NEXMIF: variants seen among roughly 807,000 people sequenced by gnomAD.
The protein encoded by NEXMIF is XLMR protein related to neurite extension.
Under a neutral mutation model 62.1 loss-of-function variants are expected in NEXMIF, and 8 were observed. The ratio of observed to expected loss-of-function variants is 0.13; its 90% CI spans 0.08 to 0.23. The LOEUF (loss-of-function observed/expected upper bound fraction) is 0.23, where lower values mean the gene tolerates loss of function less well. Among genes scored for constraint, NEXMIF ranks in the 10% least tolerant of loss-of-function variants. The pLI, the probability that NEXMIF is intolerant of heterozygous loss-of-function variation, is 1.00. For missense variants in NEXMIF, 976 were observed against 1,113.3 expected (o/e 0.88, Z 1.75); for synonymous variants, 404 against 416.6 (o/e 0.97, Z 0.37).
rs2080102044 is a variant in NEXMIF, at chrX:74,741,218, C to G, written c.3339G>C (p.Lys1113Asn). The G allele has an allele frequency of 1.2e-5, 15 of 1,211,526 alleles. No homozygotes were observed. The highest frequency in any genetic ancestry group is 1.7e-5 in the Non-Finnish European group (15 of 895,462). ...GCCGTGAAAGGGTACTGCAGTCCCA[C>G]TTGATTTTTTCCACACTGTCCAATG... ...PGPLDSVEKIKWDCSTLSRQV... is the reference protein window; with the variant it reads ...PGPLDSVEKINWDCSTLSRQV... Residue 1113 changes from lysine (K) to asparagine (N), a missense_variant, in exon 3 of 4, where the codon AAG becomes AAC. Coordinates refer to ENST00000055682, the MANE Select transcript of NEXMIF (RefSeq NM_001008537.3).
chrX:74,878,170 G>T (rs1009782117), intron 1 of NEXMIF, among the ~76,000 whole-genome samples: 1 of 111,469 alleles, frequency 9.0e-6, no homozygotes, highest in East Asian at 2.8e-4. Context: ...GGTTTTTGGT[G>T]TGGATGTCCT....
At chrX:74,764,254 A>G (rs1427776457) in intron 1 of NEXMIF, among the ~76,000 whole-genome samples, 1 of 111,776 alleles carries the variant, frequency 8.9e-6, no homozygotes, top group East Asian at 2.8e-4. Context: ...GGTTCTGTTT[A>G]TATGCTGGAT....
chrX:74,826,093 C>T (rs777191982), intron 1 of NEXMIF, among the ~76,000 whole-genome samples: 4 of 112,470 alleles, frequency 3.6e-5, no homozygotes, highest in Non-Finnish European at 7.5e-5. Flanking sequence ...GGAATTGCCA[C>T]ACTGTTTTTT....
intron 1 of NEXMIF, among the ~76,000 whole-genome samples, chrX:74,851,163 G>A (rs2080512050): frequency 9.1e-6 from 1 of 110,395 alleles, no homozygotes; most frequent in South Asian, 3.8e-4. Flanking sequence ...AAATCACCCA[G>A]TCAGTCAAAT....
intron 1 of NEXMIF, among the ~76,000 whole-genome samples, chrX:74,824,757 T>C (rs1332578678): frequency 9.1e-6 from 1 of 109,527 alleles, no homozygotes; most frequent in Non-Finnish European, 1.9e-5. Context: ...CACGCCATTC[T>C]CCTGCCTCAG....
At chrX:74,745,386 A>G (rs2080123354) in intron 2 of NEXMIF, among the ~76,000 whole-genome samples, 186 bp downstream of exon 2, 2 of 111,713 alleles carry the variant, frequency 1.8e-5, no homozygotes, top group Non-Finnish European at 3.8e-5. Context: ...AAGTGGTCAG[A>G]TTCAATGCCT....
intron 1 of NEXMIF, among the ~76,000 whole-genome samples, chrX:74,779,818 A>G (rs2080240547): frequency 8.9e-6 from 1 of 112,014 alleles, no homozygotes; most frequent in African/African-American, 3.2e-5. Flanking sequence ...GCTCCTGGAA[A>G]GCAGGCTTTT....
At chrX:74,902,322 C>G (rs1280756194) in intron 1 of NEXMIF, among the ~76,000 whole-genome samples, 1 of 109,268 alleles carries the variant, frequency 9.2e-6, no homozygotes, top group Non-Finnish European at 1.9e-5. Flanking sequence ...CTGTGCTGAT[C>G]AGCTCTGATG....
chrX:74,769,972 TC>T lies in NEXMIF; in HGVS notation c.-47-24276del, dbSNP rs1362565082. ...ATTGGCTATGAATTTGTTATCCAAA[TC>T]CCTGCTGCTATGAGGTTGCAGGAGA... On this transcript the variant is annotated intron_variant, in intron 1 of 3. Coordinates refer to ENST00000055682, the MANE Select transcript of NEXMIF (RefSeq NM_001008537.3). Among the ~76,000 whole-genome samples the T allele has an allele frequency of 9.8e-5, 11 of 111,928 alleles. No homozygotes were observed. In the South Asian group the frequency reaches 3.4e-3, roughly 34 times the overall value.
chrX:74,881,923 G>A (rs976172611), intron 1 of NEXMIF, among the ~76,000 whole-genome samples: 38 of 111,557 alleles, frequency 3.4e-4, no homozygotes, highest in Non-Finnish European at 6.2e-4. Context: ...AGTCTTTTCC[G>A]TGATGGTCTA....
intron 1 of NEXMIF, among the ~76,000 whole-genome samples, chrX:74,782,619 AG>A (rs1314923084): frequency 8.9e-6 from 1 of 111,776 alleles, no homozygotes. Flanking sequence ...CCTGGTTCTT[AG>A]GCTTGGCCTC....
intron 1 of NEXMIF, among the ~76,000 whole-genome samples, chrX:74,749,739 G>T (rs767138175): frequency 9.0e-5 from 10 of 110,923 alleles, no homozygotes; most frequent in Admixed American, 8.7e-4. Context: ...TATTCTCAAA[G>T]AATTTTTATC....
At chrX:74,846,637 G>C (rs2080492670) in intron 1 of NEXMIF, among the ~76,000 whole-genome samples, 1 of 112,005 alleles carries the variant, frequency 8.9e-6, no homozygotes, top group Non-Finnish European at 1.9e-5. Flanking sequence ...TTGTCATATA[G>C]AAGAAGAATT....
intron 1 of NEXMIF, among the ~76,000 whole-genome samples, chrX:74,751,520 C>T (rs2080142429): frequency 9.5e-6 from 1 of 105,477 alleles, no homozygotes; most frequent in African/African-American, 3.5e-5. Flanking sequence ...CAGAGTCTGG[C>T]TTTGTCACCC....
Position 74,925,196 on chromosome X carries a change from C to T in NEXMIF, c.-361G>A, listed in dbSNP as rs1292251986. On this transcript the variant is annotated 5_prime_UTR_variant, in exon 1 of 4. Coordinates refer to ENST00000055682, the MANE Select transcript of NEXMIF (RefSeq NM_001008537.3). ...AGCCTCCGCGGCTGCCCGGCTGCTCCAAGGGTCCGTGCTTCGCTTACACTG... is the reference window on the plus strand; with the variant it reads ...AGCCTCCGCGGCTGCCCGGCTGCTCTAAGGGTCCGTGCTTCGCTTACACTG... The T allele has an allele frequency of 8.6e-6, 1 of 116,249 alleles. No individual in the cohort carries two copies. The highest frequency in any genetic ancestry group is 2.9e-4 in the South Asian group (1 of 3,427). The allele number at this position is 116,249 out of a possible 1,213,427, so 9.6% of individuals were successfully genotyped here.
chrX:74,757,789 G>A (rs1472743166), intron 1 of NEXMIF, among the ~76,000 whole-genome samples: 2 of 111,186 alleles, frequency 1.8e-5, no homozygotes, highest in Non-Finnish European at 1.9e-5. Context: ...CAGTGTGAAG[G>A]GTAGTTTCTT....
intron 1 of NEXMIF, among the ~76,000 whole-genome samples, chrX:74,837,145 CTG>C (rs758507284): frequency 1.8e-5 from 2 of 111,515 alleles, no homozygotes; most frequent in East Asian, 5.8e-4. Context: ...CACAGACACT[CTG>C]TGCTGCATGG....
chrX:74,826,266 T>C (rs1464321441), intron 1 of NEXMIF, among the ~76,000 whole-genome samples: 1 of 112,311 alleles, frequency 8.9e-6, no homozygotes, highest in Non-Finnish European at 1.9e-5. Flanking sequence ...TCTCTATCAG[T>C]GATATTGAGC....
chrX:74,808,229 C>A (rs1204223423), intron 1 of NEXMIF, among the ~76,000 whole-genome samples: 3 of 110,443 alleles, frequency 2.7e-5, no homozygotes, highest in Admixed American at 9.6e-5. Context: ...AATGGTACAA[C>A]CCTGTCTCTA....
Sources: allele counts gnomAD v4.1 joint callset (sites outside exome capture counted in the v4.1 genomes callset), GRCh38; gene constraint gnomAD v4.1.1; transcripts MANE v1.5; gene names NCBI Gene and HGNC (gene_info 2026-07-23, HGNC 2026-07-21).